Variants in SEMA6D observed in about 807,000 individuals in gnomAD.
The protein encoded by SEMA6D is semaphorin-6D.
A neutral mutation model predicts 106.6 loss-of-function variants in SEMA6D; 35 were observed. That is an observed-to-expected ratio of 0.33 (90% CI 0.25 to 0.44). The LOEUF is 0.44. Among genes scored for constraint, SEMA6D ranks in the 20% least tolerant of loss-of-function variants. SEMA6D has a pLI of 1.00. For missense variants in SEMA6D, 1,185 were observed against 1,345.9 expected (o/e 0.88, Z 1.87); for synonymous variants, 499 against 487.7 (o/e 1.02, Z -0.31).
chr15:47,671,662 T>G (rs1266084361), intron 4 of SEMA6D, among the ~76,000 whole-genome samples: 1 of 152,006 alleles, frequency 6.6e-6, no homozygotes, highest in African/African-American at 2.4e-5. Context: ...CCACAAAGGA[T>G]GGATTGAAAT....
At chr15:47,352,522 G>C (rs187326130) in intron 1 of SEMA6D, among the ~76,000 whole-genome samples, 2 of 152,174 alleles carry the variant, frequency 1.3e-5, no homozygotes, top group African/African-American at 4.8e-5. Context: ...GATGTAGTTC[G>C]GGCTAATGAG....
chr15:47,443,185 A>G (rs1250323146), intron 2 of SEMA6D, among the ~76,000 whole-genome samples: 4 of 152,138 alleles, frequency 2.6e-5, no homozygotes, highest in Non-Finnish European at 4.4e-5. Context: ...TATAGCTACA[A>G]CAATATCTCC....
chr15:47,344,327 A>G (rs1307884006), intron 1 of SEMA6D, among the ~76,000 whole-genome samples: 1 of 152,216 alleles, frequency 6.6e-6, no homozygotes, highest in Non-Finnish European at 1.5e-5. Context: ...GTAAAAAGGA[A>G]TAGATTTACA....
intron 3 of SEMA6D, among the ~76,000 whole-genome samples, chr15:47,565,680 G>A (rs1457746238): frequency 6.6e-6 from 1 of 152,136 alleles, no homozygotes; most frequent in Non-Finnish European, 1.5e-5. Flanking sequence ...GGGTGGGGAG[G>A]AATTAAATGA....
rs78217255 is a variant in SEMA6D, at chr15:47,210,618, C to T, written c.-239+26200C>T. ...CGTCTCTACTAAAAATACAAAAATCCGTGGCGCGTGGTGGCACATGCCTAT... is the reference window on the plus strand; with the variant it reads ...CGTCTCTACTAAAAATACAAAAATCTGTGGCGCGTGGTGGCACATGCCTAT... On this transcript the variant is annotated intron_variant, in intron 1 of 19. Transcript: ENST00000558014. Among the ~76,000 whole-genome samples, 642 of 151,792 alleles carry T rather than the reference C, an allele frequency of 4.2e-3. 4 individuals carry two copies. The highest frequency in any genetic ancestry group is 0.015 in the African/African-American group (618 of 41,394).
intron 1 of SEMA6D, among the ~76,000 whole-genome samples, chr15:47,316,081 A>T (rs1023651906): frequency 1.8e-5 from 2 of 108,642 alleles, no homozygotes; most frequent in African/African-American, 7.7e-5. Context: ...CTTGCTTCCC[A>T]ATCAGTATGC....
At chr15:47,420,870 C>G (rs897344185) in intron 2 of SEMA6D, among the ~76,000 whole-genome samples, 2 of 152,034 alleles carry the variant, frequency 1.3e-5, no homozygotes, top group African/African-American at 2.4e-5. Context: ...CTATTCAGTT[C>G]TCTAGAACAA....
chr15:47,637,096 C>G (rs946327301), intron 4 of SEMA6D, among the ~76,000 whole-genome samples: 1 of 152,152 alleles, frequency 6.6e-6, no homozygotes, highest in African/African-American at 2.4e-5. Flanking sequence ...CTCTGAGCAA[C>G]TCAGCTCTGG....
At chr15:47,316,036 G>A (rs1033457264) in intron 1 of SEMA6D, among the ~76,000 whole-genome samples, 5 of 149,876 alleles carry the variant, frequency 3.3e-5, no homozygotes, top group African/African-American at 9.9e-5. Flanking sequence ...CTACATATAT[G>A]ATCATGGCAT....
intron 4 of SEMA6D, among the ~76,000 whole-genome samples, chr15:47,667,236 G>A (rs1017482154): frequency 2.6e-5 from 4 of 152,170 alleles, no homozygotes; most frequent in Non-Finnish European, 5.9e-5. Flanking sequence ...TATAAAGCAA[G>A]AATAACTGGA....
intron 4 of SEMA6D, among the ~76,000 whole-genome samples, chr15:47,644,214 A>G (rs753475918): frequency 6.6e-6 from 1 of 152,214 alleles, no homozygotes; most frequent in Non-Finnish European, 1.5e-5. Flanking sequence ...ATGTAATTTA[A>G]AAAAATCAGT....
chr15:47,320,603 A>C (rs2036887064), intron 1 of SEMA6D, among the ~76,000 whole-genome samples: 1 of 152,218 alleles, frequency 6.6e-6, no homozygotes, highest in African/African-American at 2.4e-5. Context: ...ACAGATGTCC[A>C]CATGTTTTGT....
intron 4 of SEMA6D, among the ~76,000 whole-genome samples, chr15:47,712,229 G>T (rs78301885): frequency 0.032 from 4,929 of 152,218 alleles, 261 homozygotes; most frequent in African/African-American, 0.11. Flanking sequence ...TTTACTTGTA[G>T]TTTAGCTTTG....
Position 47,772,360 on chromosome 15 carries a change from G to GTGTGTGTGTC in SEMA6D, c.*584_*585insCTGTGTGTGT, listed in dbSNP as rs1356217231. 4 of 148,502 alleles carry GTGTGTGTGTC rather than the reference G, an allele frequency of 2.7e-5. No individual in the cohort carries two copies. Among genetic ancestry groups the GTGTGTGTGTC allele is most frequent in the African/African-American group, 1.0e-4 (4 of 39,884 alleles). 9.2% of individuals were successfully genotyped at this position (148,502 alleles called of 1,614,324 possible). On this transcript the variant is annotated 3_prime_UTR_variant, in exon 19 of 19. Coordinates refer to ENST00000536845, the MANE Select transcript of SEMA6D (RefSeq NM_001358351.3). ...CAACAAACTTGTTGTGTGTGTGCGT[G>GTGTGTGTGTC]TGTGTGTGTGTGTGTGTGTGTGTGT...
upstream of SEMA6D, chr15:47,717,385 C>A (rs1335664759): frequency 6.6e-6 from 1 of 152,012 alleles, no homozygotes; most frequent in Non-Finnish European, 1.5e-5. Context: ...GGGGTGGGAC[C>A]CGCGCCGGGA....
chr15:47,609,186 G>A (rs1206648467), intron 4 of SEMA6D, among the ~76,000 whole-genome samples: 1 of 152,120 alleles, frequency 6.6e-6, no homozygotes, highest in South Asian at 2.1e-4. Context: ...TAACCATAGG[G>A]TTTCTGTCTG....
At chr15:47,758,988 G>A (rs753296976) in intron 1 of SEMA6D, among the ~76,000 whole-genome samples, 16 of 152,136 alleles carry the variant, frequency 1.1e-4, no homozygotes, top group Admixed American at 5.2e-4. Flanking sequence ...TAAAAGGACC[G>A]GTGTACTTAG....
chr15:47,444,753 C>T (rs1188702210), intron 2 of SEMA6D, among the ~76,000 whole-genome samples: 3 of 152,100 alleles, frequency 2.0e-5, no homozygotes, highest in African/African-American at 7.2e-5. Flanking sequence ...GGGCTCCTGC[C>T]CCATGGTAGT....
At chr15:47,550,006 C>T (rs2045634323) in intron 3 of SEMA6D, among the ~76,000 whole-genome samples, 1 of 152,154 alleles carries the variant, frequency 6.6e-6, no homozygotes, top group Non-Finnish European at 1.5e-5. Flanking sequence ...TCTAAATTCT[C>T]ATTAAAGAGA....
Sources: gnomAD v4.1 joint callset for allele counts (sites outside exome capture counted in the v4.1 genomes callset) on GRCh38, gnomAD v4.1.1 for gene constraint, MANE v1.5 for transcripts, NCBI Gene and HGNC (gene_info 2026-07-23, HGNC 2026-07-21) for gene names.